TGFBR2: variants seen among roughly 807,000 people sequenced by gnomAD.
TGFBR2 encodes TGF-beta receptor type-2.
A neutral mutation model predicts 49.0 loss-of-function variants in TGFBR2; 18 were observed. The ratio of observed to expected loss-of-function variants is 0.37; its 90% confidence interval spans 0.25 to 0.54. The LOEUF is 0.54. Among genes scored for constraint, TGFBR2 ranks in the 20% least tolerant of loss-of-function variants. The pLI, the probability that TGFBR2 is intolerant of heterozygous loss-of-function variation, is 0.85. For synonymous variants in TGFBR2, 282 were observed against 275.9 expected (o/e 1.02, Z -0.22); for missense variants, 525 against 722.6 (o/e 0.73, Z 3.13).
intron 3 of TGFBR2, among the ~76,000 whole-genome samples, chr3:30,656,119 T>C (rs991335015): frequency 6.6e-6 from 1 of 152,184 alleles, no homozygotes; most frequent in Non-Finnish European, 1.5e-5. Context: ...CCTGAGCTAA[T>C]GGGCCCATGA....
chr3:30,666,653 C>T (rs545567990), intron 3 of TGFBR2, among the ~76,000 whole-genome samples: 87 of 140,140 alleles, frequency 6.2e-4, no homozygotes, highest in African/African-American at 2.0e-3. Flanking sequence ...CCCGCCCGCA[C>T]AAACACAGGG....
chr3:30,675,270 A>G (rs529051676), intron 5 of TGFBR2, among the ~76,000 whole-genome samples: 2 of 152,196 alleles, frequency 1.3e-5, no homozygotes, highest in Non-Finnish European at 2.9e-5. Flanking sequence ...CCTGTCCACT[A>G]TGTGTTTCTA....
In TGFBR2 at chr3:30,693,246, T is replaced by G. The variant is rs550697408; in HGVS notation, c.*1647T>G. The stretch of plus-strand genomic sequence containing the variant: ...TTCCTCATGGTTACCGTTCTCTCCA[T>G]CATGCCAGCCTTCTCAACCTTTGCA... On this transcript the variant is annotated 3_prime_UTR_variant, in exon 7 of 7. Coordinates refer to ENST00000295754, the MANE Select transcript of TGFBR2 (RefSeq NM_003242.6). The G allele has an allele frequency of 4.3e-6, 1 of 233,760 alleles. No homozygotes were observed. The highest frequency in any genetic ancestry group is 1.8e-4 in the South Asian group (1 of 5,534). The allele number at this position is 233,760 out of a possible 1,614,324, so 14.5% of individuals were successfully genotyped here. A position where few individuals can be genotyped will look rare whatever the true frequency, so the allele number is the denominator to read the frequency against.
chr3:30,642,036 A>G (rs935434718), intron 1 of TGFBR2, among the ~76,000 whole-genome samples: 6 of 151,958 alleles, frequency 3.9e-5, no homozygotes, highest in African/African-American at 7.3e-5. Context: ...GCATTTGTCA[A>G]TACATCTGTG....
In TGFBR2 at chr3:30,693,780, G is replaced by A; in HGVS notation, c.*2181G>A. On this transcript the variant is annotated 3_prime_UTR_variant, in exon 7 of 7. Coordinates refer to ENST00000295754, the MANE Select transcript of TGFBR2 (RefSeq NM_003242.6). ...AGATTCAAGAGTATTCTCACTTCTG[G>A]GTTATCAGCATAAACTGGAATGTAG... 8.6e-6 allele frequency: 2 copies of A among 233,400 alleles called. No individual in the cohort carries two copies. The highest frequency in any genetic ancestry group is 1.7e-5 in the Non-Finnish European group (2 of 117,892). 14.5% of individuals were successfully genotyped at this position (233,400 alleles called of 1,614,324 possible).
intron 1 of TGFBR2, chr3:30,623,317 A>C (rs1338008143): frequency 6.2e-7 from 1 of 1,606,834 alleles, no homozygotes; most frequent in East Asian, 2.2e-5. Context: ...TTCTATTTTT[A>C]GTCATGCTCC....
rs35473576 is a variant in TGFBR2 at position 30,648,419 on chromosome 3, T to TACACACACACACACACACAC, written c.264-1827_264-1808dup. Among the ~76,000 whole-genome samples the TACACACACACACACACACAC allele has an allele frequency of 8.9e-4, 103 of 115,602 alleles. 1 individual carries two copies. Among genetic ancestry groups the TACACACACACACACACACAC allele is most frequent in the African/African-American group, 2.7e-3 (87 of 32,396 alleles). 75.8% of individuals were successfully genotyped at this position (115,602 alleles called of 152,430 possible). A position where few individuals can be genotyped will look rare whatever the true frequency, so the allele number is the denominator to read the frequency against. On this transcript the variant is annotated intron_variant, in intron 2 of 6. Coordinates refer to ENST00000295754, the MANE Select transcript of TGFBR2 (RefSeq NM_003242.6). ...TTTATTACCCAAACCAAAAACAACCTACACACACACACACACACACACACA... is the reference window on the plus strand; with the variant it reads ...TTTATTACCCAAACCAAAAACAACCTACACACACACACACACACACACACACACACACACACACACACACA...
intron 1 of TGFBR2, among the ~76,000 whole-genome samples, chr3:30,613,299 G>T: frequency 6.6e-6 from 1 of 151,978 alleles, no homozygotes; most frequent in East Asian, 1.9e-4. Flanking sequence ...ATGCCTATGG[G>T]GTGAGGTGAC....
rs758941665 is a variant in TGFBR2 at position 30,691,399 on chromosome 3, T to TGGATCTCTTTCCC, written c.1525-19_1525-7dup. ...GAGCCCACCAACTCATGGTGCCCTTTGGATCTCTTTCCCGCTACAGGGCAT... is the reference window on the plus strand; with the variant it reads ...GAGCCCACCAACTCATGGTGCCCTTTGGATCTCTTTCCCGGATCTCTTTCCCGCTACAGGGCAT... On this transcript the variant is annotated intron_variant, in intron 6 of 6. Transcript: ENST00000295754. 2.5e-6 allele frequency: 4 copies of TGGATCTCTTTCCC among 1,613,564 alleles called. No homozygotes were observed. The African/African-American group carries it at 5.3e-5, about 22-fold the overall frequency.
chr3:30,644,735 C>G lies in TGFBR2; in HGVS notation c.95-12C>G, dbSNP rs1473341075. The G allele has an allele frequency of 6.2e-7, 1 of 1,613,502 alleles. No individual in the cohort carries two copies. The highest frequency in any genetic ancestry group is 1.1e-5 in the South Asian group (1 of 91,030). The stretch of plus-strand genomic sequence containing the variant: ...TTGGATAATCATTTAATATATCTTT[C>G]TCTCTCCTCAGTTAATAACGACATG... On this transcript the variant is annotated splice_polypyrimidine_tract_variant and intron_variant, in intron 1 of 6. Coordinates refer to ENST00000295754, the MANE Select transcript of TGFBR2 (RefSeq NM_003242.6).
chr3:30,662,728 T>C (rs1189306168), intron 3 of TGFBR2, among the ~76,000 whole-genome samples: 1 of 152,196 alleles, frequency 6.6e-6, no homozygotes, highest in Non-Finnish European at 1.5e-5. Context: ...CACCAGTTAA[T>C]TGACTAGAAA....
intron 5 of TGFBR2, among the ~76,000 whole-genome samples, chr3:30,679,623 T>C (rs1699501313): frequency 6.6e-6 from 1 of 152,202 alleles, no homozygotes; most frequent in Non-Finnish European, 1.5e-5. Context: ...TCTTAAGCAC[T>C]TGCTCCACAC....
chr3:30,671,550 C>G, intron 3 of TGFBR2, 88 bp from the exon 4 acceptor site: 1 of 1,331,328 alleles, frequency 7.5e-7, no homozygotes, highest in Non-Finnish European at 1.1e-6. Context: ...ATGCTAAAAT[C>G]TATAGATGCT....
intron 3 of TGFBR2, among the ~76,000 whole-genome samples, chr3:30,662,070 C>T (rs1439811393): frequency 6.6e-6 from 1 of 152,150 alleles, no homozygotes; most frequent in African/African-American, 2.4e-5. Flanking sequence ...TAATAGTTCT[C>T]ATCCCATAGA....
At chr3:30,657,348 A>G (rs538741195) in intron 3 of TGFBR2, among the ~76,000 whole-genome samples, 1 of 152,168 alleles carries the variant, frequency 6.6e-6, no homozygotes, top group Non-Finnish European at 1.5e-5. Flanking sequence ...TCAGGCTGAC[A>G]CTGTTTCCAT....
intron 2 of TGFBR2, 31 bp from the exon 3 acceptor site, chr3:30,650,239 C>T (rs2125409682): frequency 1.2e-6 from 2 of 1,603,876 alleles, no homozygotes; most frequent in Middle Eastern, 3.3e-4. Context: ...TCTCCCTCTC[C>T]CCTCGCTTCC....
intron 3 of TGFBR2, among the ~76,000 whole-genome samples, chr3:30,666,614 C>T (rs1431329001): frequency 6.7e-6 from 1 of 148,312 alleles, no homozygotes; most frequent in African/African-American, 2.5e-5. Flanking sequence ...GTCATTCTTC[C>T]CCTCCCCCGC....
intron 1 of TGFBR2, among the ~76,000 whole-genome samples, chr3:30,634,700 C>T (rs1173907178): frequency 2.0e-5 from 3 of 152,200 alleles, no homozygotes; most frequent in African/African-American, 7.2e-5. Context: ...ATTTAATCAT[C>T]TTTTATTTTC....
chr3:30,617,489 T>C (rs1038557347), intron 1 of TGFBR2, among the ~76,000 whole-genome samples: 2 of 152,228 alleles, frequency 1.3e-5, no homozygotes, highest in African/African-American at 2.4e-5. Flanking sequence ...GTTATATCAT[T>C]ATAAAATAAT....
Sources: allele counts gnomAD v4.1 joint callset (sites outside exome capture counted in the v4.1 genomes callset), GRCh38; gene constraint gnomAD v4.1.1; transcripts MANE v1.5; gene names NCBI Gene and HGNC (gene_info 2026-07-23, HGNC 2026-07-21).